The following DCUN1D4 variants were observed in gnomAD, a reference collection of about 807,000 sequenced individuals.
DCUN1D4 encodes the protein defective in cullin neddylation 1 domain containing 4.
Under a neutral mutation model 47.9 loss-of-function variants are expected in DCUN1D4, and 22 were observed. The observed-to-expected ratio is 0.46, with a 90% CI of 0.33 to 0.66. DCUN1D4 has a LOEUF of 0.66. Among genes scored for constraint, DCUN1D4 ranks in the 30% least tolerant of loss-of-function variants. The probability of loss-of-function intolerance (pLI) is 0.02; values close to 1 mark genes in which losing one functional copy is unlikely to be tolerated. For missense variants in DCUN1D4, 301 were observed against 340.8 expected (o/e 0.88, Z 0.92); for synonymous variants, 121 against 112.2 (o/e 1.08, Z -0.50).
chr4:51,904,974 G>A (rs1732659799), intron 8 of DCUN1D4, among the ~76,000 whole-genome samples: 1 of 152,062 alleles, frequency 6.6e-6, no homozygotes, highest in South Asian at 2.1e-4. Flanking sequence ...TAAATATTCT[G>A]AATTCTGCTT....
chr4:51,899,203 A>G, intron 7 of DCUN1D4, 67 bp from the exon 8 acceptor site: 1 of 1,480,422 alleles, frequency 6.8e-7, no homozygotes, highest in Non-Finnish European at 8.9e-7. Flanking sequence ...TGTTTATATT[A>G]CTGCCTCTAT....
At chr4:51,840,500 C>T (rs1721601511), upstream of DCUN1D4, among the ~76,000 whole-genome samples, 1 of 152,148 alleles carries the variant, frequency 6.6e-6, no homozygotes, top group Admixed American at 6.5e-5. Context: ...TATCAACTAG[C>T]CAAGTGACTC....
chr4:51,861,649 G>T (rs2109887844), intron 1 of DCUN1D4, among the ~76,000 whole-genome samples: 1 of 152,276 alleles, frequency 6.6e-6, no homozygotes. Flanking sequence ...TACCCTCAGT[G>T]AAAAGAGAAT....
In DCUN1D4 at chr4:51,909,638, G is replaced by A. The variant is rs1443925406; in HGVS notation, c.616-1432G>A. On this transcript the variant is annotated intron_variant, in intron 8 of 10. Coordinates refer to ENST00000334635, the MANE Select transcript of DCUN1D4 (RefSeq NM_001040402.3). The stretch of plus-strand genomic sequence containing the variant: ...AGCAGGACAATACATATGGCCAAGG[G>A]ACAGGCAGAGAACCCTGTGGAAAGG... Among the ~76,000 whole-genome samples, 5 of 152,192 alleles carry A rather than the reference G, an allele frequency of 3.3e-5. No individual in the cohort carries two copies. The East Asian group carries it at 9.6e-4, about 29-fold the overall frequency.
chr4:51,907,736 G>A (rs1321844053), intron 8 of DCUN1D4, among the ~76,000 whole-genome samples: 1 of 152,038 alleles, frequency 6.6e-6, no homozygotes, highest in Non-Finnish European at 1.5e-5. Flanking sequence ...GTAAAGTTTG[G>A]TATAAATTGG....
At chr4:51,895,305 C>G (rs1731070862) in intron 7 of DCUN1D4, among the ~76,000 whole-genome samples, 2 of 151,708 alleles carry the variant, frequency 1.3e-5, no homozygotes, top group Admixed American at 1.3e-4. Flanking sequence ...TCCTGGGTGT[C>G]TCTGGTAGCA....
rs1047122377 is a variant in DCUN1D4 at position 51,874,785 on chromosome 4, G to A, written c.251+400G>A. The A allele has an allele frequency of 8.4e-5, 13 of 155,184 alleles. No homozygotes were observed. The South Asian group carries it at 1.4e-3, about 17-fold the overall frequency. 9.6% of individuals were successfully genotyped at this position (155,184 alleles called of 1,614,324 possible). A position where few individuals can be genotyped will look rare whatever the true frequency, so the allele number is the denominator to read the frequency against. On this transcript the variant is annotated intron_variant, in intron 4 of 10. Transcript: ENST00000334635. ...TTCCTGTACTTAATGGTCTGTGCCC[G>A]CCCAGAATATCAGCCAAGCTGAGGT...
chr4:51,861,793 G>C (rs1725086512), intron 1 of DCUN1D4, among the ~76,000 whole-genome samples: 1 of 152,038 alleles, frequency 6.6e-6, no homozygotes, highest in Admixed American at 6.5e-5. Context: ...ACAAAAAGGG[G>C]GCTATGGCTT....
chr4:51,837,396 G>A, the DCUN1D4 span, among the ~76,000 whole-genome samples: 10 of 151,918 alleles, frequency 6.6e-5, no homozygotes, highest in Non-Finnish European at 1.0e-4. Flanking sequence ...GGCCGGGCGC[G>A]GTGGCTCACG....
At chr4:51,843,554 A>G (rs1184389634) in intron 1 of DCUN1D4, 4 of 1,115,200 alleles carry the variant, frequency 3.6e-6, no homozygotes, top group African/African-American at 3.6e-5. Context: ...TGGACGTGCG[A>G]TGAAGGGCCG....
upstream of DCUN1D4, chr4:51,843,071 C>A: frequency 7.1e-7 from 1 of 1,399,232 alleles, no homozygotes; most frequent in Non-Finnish European, 9.3e-7. Context: ...ATGAGAGACG[C>A]AGCAGGGCGG....
chr4:51,856,921 C>T (rs1724231069), intron 1 of DCUN1D4, among the ~76,000 whole-genome samples: 1 of 152,194 alleles, frequency 6.6e-6, no homozygotes, highest in African/African-American at 2.4e-5. Flanking sequence ...ATTCCTTCCT[C>T]CAGCATTGGA....
chr4:51,843,163 C>A lies in DCUN1D4; in HGVS notation c.-80C>A. ...CGGCGGCGGGTCCTCAGCTTCGAGC[C>A]GAGGTGCAGTGAGCTGGTGGGGGGA... On this transcript the variant is annotated 5_prime_UTR_variant, in exon 1 of 11. Transcript: ENST00000334635. 1 of 1,523,882 alleles carries A rather than the reference C, an allele frequency of 6.6e-7. No homozygotes were observed. Among genetic ancestry groups the A allele is most frequent in the Non-Finnish European group, 8.8e-7 (1 of 1,135,992 alleles). The allele number at this position is 1,523,882 out of a possible 1,614,324, so 94.4% of individuals were successfully genotyped here.
chr4:51,876,681 G>A (rs955741508), intron 4 of DCUN1D4, among the ~76,000 whole-genome samples: 1 of 152,090 alleles, frequency 6.6e-6, no homozygotes, highest in Admixed American at 6.6e-5. Flanking sequence ...ATACTATTGA[G>A]GGATGTGAAA....
At chr4:51,878,868 C>G (rs1728100541) in intron 5 of DCUN1D4, among the ~76,000 whole-genome samples, 2 of 152,192 alleles carry the variant, frequency 1.3e-5, no homozygotes, top group Admixed American at 1.3e-4. Context: ...GGAATTCCCC[C>G]TGTAGCCTGA....
At chr4:51,911,750 TTGA>T (rs2110143918) in intron 9 of DCUN1D4, among the ~76,000 whole-genome samples, 1 of 152,292 alleles carries the variant, frequency 6.6e-6, no homozygotes, top group East Asian at 1.9e-4. Context: ...CTTTTAAGTA[TTGA>T]TGATCAGAAA....
intron 5 of DCUN1D4, among the ~76,000 whole-genome samples, chr4:51,882,307 G>A (rs1310136593): frequency 6.6e-6 from 1 of 152,204 alleles, no homozygotes; most frequent in African/African-American, 2.4e-5. Context: ...ATTTTCCCAT[G>A]TGGCAAACAG....
chr4:51,907,668 T>C (rs1238166012), intron 8 of DCUN1D4, among the ~76,000 whole-genome samples: 2 of 152,232 alleles, frequency 1.3e-5, no homozygotes, highest in African/African-American at 4.8e-5. Context: ...TTTTTTTCTT[T>C]GTAATTTTAA....
At chr4:51,885,220 C>A (rs768161213) in intron 5 of DCUN1D4, among the ~76,000 whole-genome samples, 1 of 151,746 alleles carries the variant, frequency 6.6e-6, no homozygotes. Context: ...CAGGATGGGT[C>A]GGGGGGAAAA....
Sources: gnomAD v4.1 joint callset for allele counts (sites outside exome capture counted in the v4.1 genomes callset) on GRCh38, gnomAD v4.1.1 for gene constraint, MANE v1.5 for transcripts, NCBI Gene and HGNC (gene_info 2026-07-23, HGNC 2026-07-21) for gene names.